Variants in STAG1 observed in about 807,000 individuals in gnomAD.
The protein encoded by STAG1 is STAG1 cohesin complex component.
A neutral mutation model predicts 170.9 loss-of-function variants in STAG1; 26 were observed. That is an observed-to-expected ratio of 0.15 (90% confidence interval 0.11 to 0.21). The LOEUF is 0.21. Ranked by LOEUF, STAG1 falls within the 10% of genes least tolerant of loss-of-function variation. STAG1 has a pLI of 1.00. For synonymous variants in STAG1, 514 were observed against 497.7 expected (o/e 1.03, Z -0.44); for missense variants, 964 against 1,509.5 (o/e 0.64, Z 5.99).
chr3:136,402,049 T>C (rs2087342958), intron 21 of STAG1, among the ~76,000 whole-genome samples: 1 of 151,966 alleles, frequency 6.6e-6, no homozygotes, highest in Non-Finnish European at 1.5e-5. Context: ...CACCCAATAT[T>C]CCATTATGTA....
rs909776838 is a variant in STAG1 at position 136,370,605 on chromosome 3, G to A, written c.2371-1323C>T. Among the ~76,000 whole-genome samples the A allele has an allele frequency of 4.0e-4, 61 of 152,218 alleles. 1 individual carries two copies. The highest frequency in any genetic ancestry group is 1.3e-3 in the African/African-American group (56 of 41,520). On this transcript the variant is annotated intron_variant, in intron 23 of 33. Transcript: ENST00000383202. ...AATTCCCACCTATGAGTGAGAACAC[G>A]CAGTGTTTGGTTTTTTGTCCTTGTG...
intron 1 of STAG1, among the ~76,000 whole-genome samples, chr3:136,683,313 G>A (rs1164422670): frequency 1.3e-5 from 2 of 151,832 alleles, no homozygotes; most frequent in East Asian, 3.9e-4. Context: ...TCCCAGGCTG[G>A]AGTACAGTGG....
intron 12 of STAG1, among the ~76,000 whole-genome samples, chr3:136,469,708 G>T (rs1457788252): frequency 1.3e-5 from 2 of 152,154 alleles, no homozygotes; most frequent in African/African-American, 2.4e-5. Flanking sequence ...CAAAGCTGGA[G>T]GCATCAGGCT....
chr3:136,651,125 G>A (rs1941203727), intron 1 of STAG1, among the ~76,000 whole-genome samples: 1 of 152,082 alleles, frequency 6.6e-6, no homozygotes, highest in Non-Finnish European at 1.5e-5. Flanking sequence ...AGCACTTTGG[G>A]AGGCCAAGGC....
intron 5 of STAG1, among the ~76,000 whole-genome samples, chr3:136,543,575 T>A (rs1936007234): frequency 6.6e-6 from 1 of 152,028 alleles, no homozygotes; most frequent in South Asian, 2.1e-4. Flanking sequence ...CATCCTAGAG[T>A]GGCTCAATGT....
chr3:136,580,495 G>A (rs935372664), intron 4 of STAG1, among the ~76,000 whole-genome samples: 2 of 150,004 alleles, frequency 1.3e-5, no homozygotes, highest in African/African-American at 4.9e-5. Context: ...CATTTGCTCT[G>A]AGTTTGCATT....
At chr3:136,448,106 C>G (rs549120296) in intron 14 of STAG1, among the ~76,000 whole-genome samples, 1 of 152,188 alleles carries the variant, frequency 6.6e-6, no homozygotes, top group East Asian at 1.9e-4. Flanking sequence ...CAAAAGAAAA[C>G]AAAGTTACTG....
At chr3:136,619,075 T>C (rs1487965741) in intron 3 of STAG1, among the ~76,000 whole-genome samples, 1 of 151,936 alleles carries the variant, frequency 6.6e-6, no homozygotes, top group Non-Finnish European at 1.5e-5. Flanking sequence ...AGTGGGAATA[T>C]GATAAAGCAA....
chr3:136,597,163 G>T (rs1202674035), intron 4 of STAG1, among the ~76,000 whole-genome samples: 4 of 151,660 alleles, frequency 2.6e-5, no homozygotes, highest in Non-Finnish European at 5.9e-5. Flanking sequence ...TTATTTTTTT[G>T]TTAGTATAAA....
Position 136,338,295 on chromosome 3 carries a change from A to C in STAG1, c.3754-18T>G. 1 of 1,602,142 alleles carries C rather than the reference A, an allele frequency of 6.2e-7. No individual in the cohort carries two copies. The highest frequency in any genetic ancestry group is 8.5e-7 in the Non-Finnish European group (1 of 1,170,112). ...CCAAATCCCTAGAAAAATGATGAGA[A>C]ACATAATTATTAATTTCATGCATAA... is the stretch of plus-strand genomic sequence containing the variant. On this transcript the variant is annotated intron_variant, in intron 33 of 33. Transcript: ENST00000383202.
intron 1 of STAG1, among the ~76,000 whole-genome samples, chr3:136,749,884 G>C (rs1302546902): frequency 6.6e-6 from 1 of 151,272 alleles, no homozygotes; most frequent in Non-Finnish European, 1.5e-5. Flanking sequence ...TTGTTAATCT[G>C]TTAAGTGTGA....
intron 22 of STAG1, among the ~76,000 whole-genome samples, chr3:136,395,113 A>C (rs1177337686): frequency 6.6e-6 from 1 of 152,002 alleles, no homozygotes; most frequent in East Asian, 1.9e-4. Flanking sequence ...AACAAAACAA[A>C]ATCAGTTCTG....
chr3:136,375,989 TAA>T (rs1937581162), intron 23 of STAG1, among the ~76,000 whole-genome samples: 3 of 73,638 alleles, frequency 4.1e-5, no homozygotes, highest in Non-Finnish European at 9.6e-5. Flanking sequence ...AATAAATAAA[TAA>T]ATAAATAAAT....
At position 136,674,427 on chromosome 3, in the gene STAG1, T is replaced by C. The variant is rs148443390; in HGVS notation, c.-83-43446A>G. On this transcript the variant is annotated intron_variant, in intron 1 of 33. Coordinates refer to ENST00000383202, the MANE Select transcript of STAG1 (RefSeq NM_005862.3). ...TACATATTGTATGATTCCATCTATGTGAAATTCTGTAGAAAAATTCTGTCA... is the reference window on the plus strand; with the variant it reads ...TACATATTGTATGATTCCATCTATGCGAAATTCTGTAGAAAAATTCTGTCA... Among the ~76,000 whole-genome samples, 142 of 152,306 alleles carry C rather than the reference T, an allele frequency of 9.3e-4. 2 individuals are homozygous for C. In the East Asian group the frequency reaches 0.026, roughly 28 times the overall value.
At chr3:136,413,649 C>T (rs2087692591) in intron 21 of STAG1, among the ~76,000 whole-genome samples, 1 of 151,338 alleles carries the variant, frequency 6.6e-6, no homozygotes, top group Non-Finnish European at 1.5e-5. Context: ...GTAGAGGCAG[C>T]ATTTTGCCAT....
intron 6 of STAG1, among the ~76,000 whole-genome samples, chr3:136,536,240 A>G (rs750445218): frequency 6.6e-6 from 1 of 152,212 alleles, no homozygotes; most frequent in Non-Finnish European, 1.5e-5. Context: ...TTAAGAGAAT[A>G]TAACAGGCCC....
At chr3:136,704,146 G>A (rs1486382574) in intron 1 of STAG1, among the ~76,000 whole-genome samples, 2 of 150,922 alleles carry the variant, frequency 1.3e-5, no homozygotes, top group Non-Finnish European at 2.9e-5. Flanking sequence ...TGCCTCCCAG[G>A]TTCAAGTGAT....
At chr3:136,726,819 T>C (rs1483856529) in intron 1 of STAG1, among the ~76,000 whole-genome samples, 4 of 152,182 alleles carry the variant, frequency 2.6e-5, no homozygotes, top group African/African-American at 7.2e-5. Context: ...CTATCCCAAA[T>C]ACACCCTACA....
At chr3:136,506,696 G>T (rs1013091037) in intron 7 of STAG1, among the ~76,000 whole-genome samples, 3 of 149,320 alleles carry the variant, frequency 2.0e-5, no homozygotes, top group Non-Finnish European at 4.5e-5. Flanking sequence ...ACTGCTGAAA[G>T]AATTTGTTAG....
Sources: gnomAD v4.1 joint callset for allele counts (sites outside exome capture counted in the v4.1 genomes callset) on GRCh38, gnomAD v4.1.1 for gene constraint, MANE v1.5 for transcripts, NCBI Gene and HGNC (gene_info 2026-07-23, HGNC 2026-07-21) for gene names.